Variants in HAPLN1 observed in about 807,000 individuals in gnomAD.
HAPLN1 encodes the protein Cartilage link protein.
Under a neutral mutation model 36.5 loss-of-function variants are expected in HAPLN1, and 13 were observed. The ratio of observed to expected loss-of-function variants is 0.36; its 90% confidence interval spans 0.23 to 0.57. The LOEUF (loss-of-function observed/expected upper bound fraction) is 0.57. Among genes scored for constraint, HAPLN1 ranks in the 20% least tolerant of loss-of-function variants. The pLI is 0.83. For missense variants in HAPLN1, 407 were observed against 439.7 expected (o/e 0.93, Z 0.66); for synonymous variants, 202 against 169.8 (o/e 1.19, Z -1.48).
intron 2 of HAPLN1, among the ~76,000 whole-genome samples, chr5:83,657,339 C>T (rs1270062808): frequency 6.6e-6 from 1 of 152,056 alleles, no homozygotes; most frequent in Non-Finnish European, 1.5e-5. Context: ...CTCAGGTGAT[C>T]CACCTGCCTC....
chr5:83,707,163 G>T (rs899544414), intron 1 of HAPLN1, among the ~76,000 whole-genome samples: 2 of 152,108 alleles, frequency 1.3e-5, no homozygotes, highest in Non-Finnish European at 2.9e-5. Context: ...ACTGCCCAAA[G>T]CAATTTATAG....
intron 1 of HAPLN1, among the ~76,000 whole-genome samples, chr5:83,678,106 T>C (rs991321340): frequency 6.6e-6 from 1 of 152,082 alleles, no homozygotes; most frequent in Non-Finnish European, 1.5e-5. Flanking sequence ...TGGGCGTTCT[T>C]CTTCTGGGTG....
intron 4 of HAPLN1, 50 bp from the exon 5 acceptor site, chr5:83,641,835 C>T (rs775867558): frequency 4.5e-6 from 7 of 1,567,480 alleles, no homozygotes; most frequent in Middle Eastern, 1.9e-4. Context: ...AATTGAGCCA[C>T]ACAGAGATAG....
At chr5:83,647,684 A>T (rs1042326374) in intron 3 of HAPLN1, among the ~76,000 whole-genome samples, 2 of 152,182 alleles carry the variant, frequency 1.3e-5, no homozygotes, top group Admixed American at 6.5e-5. Context: ...ACTTTTATGG[A>T]TGGGAAAGAA....
chr5:83,642,109 AT>A (rs1220737067), intron 4 of HAPLN1, among the ~76,000 whole-genome samples: 3 of 152,198 alleles, frequency 2.0e-5, no homozygotes, highest in African/African-American at 7.2e-5. Context: ...ACAGAATTCC[AT>A]GTTAAAAGCA....
chr5:83,672,342 A>G (rs187882710), intron 2 of HAPLN1, among the ~76,000 whole-genome samples: 254 of 152,354 alleles, frequency 1.7e-3, no homozygotes, highest in African/African-American at 5.8e-3. Flanking sequence ...TCTACTATAT[A>G]TTACAGAAAC....
intron 2 of HAPLN1, among the ~76,000 whole-genome samples, chr5:83,665,003 A>G (rs1750514014): frequency 6.6e-6 from 1 of 152,212 alleles, no homozygotes. Context: ...ACAAATCAAA[A>G]TGAGGATATG....
At chr5:83,656,916 C>A (rs755560574) in intron 2 of HAPLN1, among the ~76,000 whole-genome samples, 2 of 152,090 alleles carry the variant, frequency 1.3e-5, no homozygotes, top group Non-Finnish European at 2.9e-5. Context: ...GACTTTTAAA[C>A]AATAGGACAA....
chr5:83,654,284 GA>G (rs1750154521), intron 2 of HAPLN1, among the ~76,000 whole-genome samples: 1 of 152,156 alleles, frequency 6.6e-6, no homozygotes, highest in Non-Finnish European at 1.5e-5. Context: ...AATAGATAAT[GA>G]AATGCGAGGA....
chr5:83,691,422 G>A (rs143606052), intron 1 of HAPLN1, among the ~76,000 whole-genome samples: 2 of 152,100 alleles, frequency 1.3e-5, no homozygotes, highest in East Asian at 3.9e-4. Flanking sequence ...ACCCAGCACT[G>A]GAATAGCACC....
intron 3 of HAPLN1, among the ~76,000 whole-genome samples, chr5:83,651,821 C>T (rs370123414): frequency 6.6e-6 from 1 of 151,834 alleles, no homozygotes; most frequent in Non-Finnish European, 1.5e-5. Flanking sequence ...GGCAAGGACA[C>T]TTTTTATTGT....
At chr5:83,713,528 C>T (rs1464041922) in intron 1 of HAPLN1, among the ~76,000 whole-genome samples, 2 of 152,198 alleles carry the variant, frequency 1.3e-5, no homozygotes, top group Non-Finnish European at 2.9e-5. Flanking sequence ...TCCCTTCTCT[C>T]TTCCAGATGA....
intron 1 of HAPLN1, chr5:83,675,279 A>C (rs1750832972): frequency 6.6e-6 from 1 of 152,232 alleles, no homozygotes; most frequent in Non-Finnish European, 1.5e-5. Flanking sequence ...AACAACAGAC[A>C]AACAGTACCA....
In HAPLN1 at chr5:83,638,664, T is replaced by C. The variant is rs548458374; in HGVS notation, c.*2832A>G. On this transcript the variant is annotated 3_prime_UTR_variant, in exon 5 of 5. Coordinates refer to ENST00000274341, the MANE Select transcript of HAPLN1 (RefSeq NM_001884.4). Reference sequence around the variant, plus strand: ...TAATTGCCAAAATAAAAAGTGACTATATTGTTGCATAAAATAACACTTTGA... The same window carrying C: ...TAATTGCCAAAATAAAAAGTGACTACATTGTTGCATAAAATAACACTTTGA... The C allele has an allele frequency of 3.9e-5, 6 of 152,166 alleles. No homozygotes were observed. Among genetic ancestry groups the C allele is most frequent in the South Asian group, 4.1e-4 (2 of 4,830 alleles). 9.4% of individuals were successfully genotyped at this position (152,166 alleles called of 1,614,324 possible). A position where few individuals can be genotyped will look rare whatever the true frequency, so the allele number is the denominator to read the frequency against.
intron 1 of HAPLN1, among the ~76,000 whole-genome samples, chr5:83,683,888 T>C (rs1261836877): frequency 6.6e-6 from 1 of 152,028 alleles, no homozygotes; most frequent in Non-Finnish European, 1.5e-5. Context: ...CTTCTAACAG[T>C]GTACATTCTC....
chr5:83,664,308 C>T (rs1425597349), intron 2 of HAPLN1, among the ~76,000 whole-genome samples: 1 of 152,088 alleles, frequency 6.6e-6, no homozygotes, highest in African/African-American at 2.4e-5. Context: ...CTCCCAAACT[C>T]GTCCTCAATG....
At chr5:83,691,981 A>G (rs1290420104) in intron 1 of HAPLN1, among the ~76,000 whole-genome samples, 3 of 151,972 alleles carry the variant, frequency 2.0e-5, no homozygotes, top group African/African-American at 7.2e-5. Flanking sequence ...TGAAAATGAC[A>G]TTGTCTAAGA....
At chr5:83,710,718 A>G (rs1218820910) in intron 1 of HAPLN1, among the ~76,000 whole-genome samples, 1 of 152,210 alleles carries the variant, frequency 6.6e-6, no homozygotes, top group Non-Finnish European at 1.5e-5. Flanking sequence ...TGGGAAGCAG[A>G]GGCGGGTGGA....
intron 2 of HAPLN1, among the ~76,000 whole-genome samples, chr5:83,664,391 G>GT (rs112948593): frequency 1.1e-3 from 165 of 149,960 alleles, no homozygotes; most frequent in African/African-American, 3.7e-3. Flanking sequence ...AAAAACATTT[G>GT]TTTTTTTTTG....
Sources: gnomAD v4.1 joint callset for allele counts (sites outside exome capture counted in the v4.1 genomes callset) on GRCh38, gnomAD v4.1.1 for gene constraint, MANE v1.5 for transcripts, NCBI Gene and HGNC (gene_info 2026-07-23, HGNC 2026-07-21) for gene names.